Variants in SEC22A observed in about 807,000 individuals in gnomAD.
The protein encoded by SEC22A is SEC22 homolog A, vesicle trafficking protein, also known as vesicle-trafficking protein SEC22a.
SEC22A carries 22 observed loss-of-function variants against 35.3 expected under a neutral mutation model. That is an observed-to-expected ratio of 0.62 (90% CI 0.45 to 0.89). SEC22A has a LOEUF of 0.89. Among genes scored for constraint, SEC22A ranks in the 40% least tolerant of loss-of-function variants. The probability of loss-of-function intolerance (pLI) is 0.00; values close to 1 mark genes in which losing one functional copy is unlikely to be tolerated. For synonymous variants in SEC22A, 119 were observed against 129.5 expected (o/e 0.92, Z 0.55); for missense variants, 354 against 362.5 (o/e 0.98, Z 0.19).
At chr3:123,260,933 T>G in intron 6 of SEC22A, among the ~76,000 whole-genome samples, 1 of 151,814 alleles carries the variant, frequency 6.6e-6, no homozygotes. Flanking sequence ...CCTCCCAGGT[T>G]CACGGCATTC....
At chr3:123,238,117 G>A (rs1344142183) in intron 4 of SEC22A, among the ~76,000 whole-genome samples, 1 of 152,038 alleles carries the variant, frequency 6.6e-6, no homozygotes, top group African/African-American at 2.4e-5. Flanking sequence ...TCATGCCACT[G>A]TACTCCAGCC....
At position 123,206,491 on chromosome 3, in the gene SEC22A, A is replaced by G. The variant is rs9871597; in HGVS notation, c.-19-2708A>G. The stretch of plus-strand genomic sequence containing the variant: ...ACTTCTGGAAAGACAACAGTTTTAT[A>G]GTTAAATAATAAACGCTTAAGGGGA... On this transcript the variant is annotated intron_variant, in intron 1 of 6. Coordinates refer to ENST00000492595, the MANE Select transcript of SEC22A (RefSeq NM_012430.5). Among the ~76,000 whole-genome samples the G allele has an allele frequency of 8.7e-3, 1,332 of 152,360 alleles. 13 individuals carry two copies. The highest frequency in any genetic ancestry group is 0.013 in the Admixed American group (200 of 15,308).
intron 4 of SEC22A, among the ~76,000 whole-genome samples, chr3:123,233,364 A>C (rs561932363): frequency 1.3e-5 from 2 of 152,318 alleles, no homozygotes; most frequent in South Asian, 2.1e-4. Context: ...GGTATGTATT[A>C]GGGTATACTA....
intron 6 of SEC22A, 27 bp from the exon 7 acceptor site, chr3:123,271,495 C>T (rs1366388809): frequency 1.3e-6 from 2 of 1,575,610 alleles, no homozygotes; most frequent in South Asian, 1.1e-5. Context: ...TAACCCTAAT[C>T]ATCTTTCATT....
At chr3:123,251,351 T>A (rs1937611485) in intron 5 of SEC22A, among the ~76,000 whole-genome samples, 2 of 152,172 alleles carry the variant, frequency 1.3e-5, no homozygotes, top group South Asian at 4.1e-4. Flanking sequence ...GGCTTGTATG[T>A]TTCTGATGGT....
chr3:123,222,402 T>C lies in SEC22A; in HGVS notation c.183-1157T>C, dbSNP rs140163721. Among the ~76,000 whole-genome samples, 107 of 152,286 alleles carry C rather than the reference T, an allele frequency of 7.0e-4. 2 individuals carry two copies. The East Asian group carries it at 0.019, about 27-fold the overall frequency. On this transcript the variant is annotated intron_variant, in intron 2 of 6. Transcript: ENST00000492595. ...TTAGTAGAGACGGGGTTTCACCATG[T>C]TGGCCAGGCTGGTCTCAAGTTCCTG...
At chr3:123,246,255 T>C (rs939813805) in intron 5 of SEC22A, among the ~76,000 whole-genome samples, 2 of 152,224 alleles carry the variant, frequency 1.3e-5, no homozygotes, top group African/African-American at 4.8e-5. Flanking sequence ...GACCCCAAGA[T>C]GTGTGTGACA....
chr3:123,203,415 T>C (rs1010328237), intron 1 of SEC22A, among the ~76,000 whole-genome samples: 4 of 152,178 alleles, frequency 2.6e-5, no homozygotes, highest in Non-Finnish European at 4.4e-5. Flanking sequence ...TTTAATGTAG[T>C]GCTTTTAGCA....
intron 2 of SEC22A, among the ~76,000 whole-genome samples, chr3:123,218,612 C>T (rs1278943532): frequency 1.3e-5 from 2 of 151,960 alleles, no homozygotes; most frequent in African/African-American, 2.4e-5. Context: ...AAGGACATGT[C>T]GAAGATTCAC....
intron 5 of SEC22A, among the ~76,000 whole-genome samples, chr3:123,254,371 A>G (rs1286028274): frequency 6.6e-6 from 1 of 152,144 alleles, no homozygotes; most frequent in Admixed American, 6.6e-5. Flanking sequence ...AGAGCAATAC[A>G]TTGGTACTCT....
At chr3:123,236,068 A>ACTTC (rs1937414071) in intron 4 of SEC22A, among the ~76,000 whole-genome samples, 1 of 152,220 alleles carries the variant, frequency 6.6e-6, no homozygotes, top group African/African-American at 2.4e-5. Flanking sequence ...GGCAGTGACT[A>ACTTC]CTAATAGGTA....
chr3:123,261,304 A>G (rs1937890497), intron 6 of SEC22A, among the ~76,000 whole-genome samples: 1 of 152,184 alleles, frequency 6.6e-6, no homozygotes, highest in Non-Finnish European at 1.5e-5. Flanking sequence ...TATATTTTCT[A>G]TTTTAATTTC....
At chr3:123,229,643 C>T (rs1381541994) in intron 4 of SEC22A, among the ~76,000 whole-genome samples, 1 of 152,102 alleles carries the variant, frequency 6.6e-6, no homozygotes. Flanking sequence ...GCGGGCAGAT[C>T]ACGAGGTCAG....
chr3:123,227,512 G>C (rs1167001665), intron 4 of SEC22A, among the ~76,000 whole-genome samples: 1 of 152,096 alleles, frequency 6.6e-6, no homozygotes, highest in African/African-American at 2.4e-5. Flanking sequence ...TATAGATGAT[G>C]GGTTGATGGA....
At chr3:123,254,494 C>T (rs1460574990) in intron 5 of SEC22A, among the ~76,000 whole-genome samples, 6 of 152,190 alleles carry the variant, frequency 3.9e-5, no homozygotes, top group African/African-American at 1.4e-4. Context: ...TTCCCCACCT[C>T]TGTCCACTCC....
rs547000092 is a variant in SEC22A, at chr3:123,245,626, G to C, written c.542-273G>C. ...AGGCACGAGGGTCGCTTGAGCCCTT[G>C]AGTTTGAGGCTTGTAGCGAGCTGTG... On this transcript the variant is annotated intron_variant, in intron 4 of 6. Coordinates refer to ENST00000492595, the MANE Select transcript of SEC22A (RefSeq NM_012430.5). 2.0e-5 allele frequency among the ~76,000 whole-genome samples: 3 copies of C among 152,116 alleles called. No homozygotes were observed. In the South Asian group the frequency reaches 6.2e-4, roughly 32 times the overall value.
At position 123,224,166 on chromosome 3, in the gene SEC22A, G is replaced by A. The variant is rs929999284; in HGVS notation, c.346+444G>A. ...GCTCGAAAGCAGCCATAGGCAGTACGTAAATGAGTGCAGTTATATTCTAAT... is the reference window on the plus strand; with the variant it reads ...GCTCGAAAGCAGCCATAGGCAGTACATAAATGAGTGCAGTTATATTCTAAT... On this transcript the variant is annotated intron_variant, in intron 3 of 6. Coordinates refer to ENST00000492595, the MANE Select transcript of SEC22A (RefSeq NM_012430.5). Among the ~76,000 whole-genome samples the A allele has an allele frequency of 3.9e-5, 6 of 152,018 alleles. No individual in the cohort carries two copies. The East Asian group carries it at 7.8e-4, about 20-fold the overall frequency.
intron 5 of SEC22A, among the ~76,000 whole-genome samples, chr3:123,257,712 C>T (rs7617174): frequency 0.2 from 29,694 of 151,008 alleles, 3,003 homozygotes; most frequent in Middle Eastern, 0.27. Context: ...AGAAAGAGGC[C>T]GGGTGCAGTG....
intron 4 of SEC22A, among the ~76,000 whole-genome samples, chr3:123,234,224 C>T (rs1209984979): frequency 6.6e-6 from 1 of 152,178 alleles, no homozygotes; most frequent in Non-Finnish European, 1.5e-5. Flanking sequence ...AGATTCAGCA[C>T]ATTCTTTATA....
Sources: gnomAD v4.1 joint callset for allele counts (sites outside exome capture counted in the v4.1 genomes callset) on GRCh38, gnomAD v4.1.1 for gene constraint, MANE v1.5 for transcripts, NCBI Gene and HGNC (gene_info 2026-07-23, HGNC 2026-07-21) for gene names.